Variants in SAMD5 observed in about 807,000 individuals in gnomAD.
SAMD5 encodes the protein sterile alpha motif domain-containing protein 5.
Under a neutral mutation model 11.3 loss-of-function variants are expected in SAMD5, and 13 were observed. The observed-to-expected ratio is 1.15, with a 90% CI of 0.75 to 1.83. SAMD5 has a LOEUF of 1.83. SAMD5 is among the 40% of genes most tolerant of loss of function. SAMD5 has a pLI of 0.00. For synonymous variants in SAMD5, 129 were observed against 111.3 expected (o/e 1.16, Z -1.00); for missense variants, 255 against 239.1 (o/e 1.07, Z -0.44).
At chr6:147,891,628 C>T in the SAMD5 span, among the ~76,000 whole-genome samples, 1 of 151,898 alleles carries the variant, frequency 6.6e-6, no homozygotes, top group Non-Finnish European at 1.5e-5. Flanking sequence ...TTGTTAAGGA[C>T]AGACAGGTAA....
At chr6:147,721,726 G>C (rs1287771745) in intron 1 of SAMD5, among the ~76,000 whole-genome samples, 1 of 152,044 alleles carries the variant, frequency 6.6e-6, no homozygotes, top group Non-Finnish European at 1.5e-5. Flanking sequence ...TGTCAAGTTT[G>C]GCTTTTGTTG....
rs1789012163 is a variant in SAMD5 at position 147,564,876 on chromosome 6, T to C, written c.*420T>C. The C allele has an allele frequency of 1.1e-6, 1 of 908,390 alleles. No individual in the cohort carries two copies. The highest frequency in any genetic ancestry group is 1.3e-6 in the Non-Finnish European group (1 of 759,556). The allele number at this position is 908,390 out of a possible 1,614,324, so 56.3% of individuals were successfully genotyped here. ...ATTATATTATTTCCAAATTTGCTTT[T>C]AACTTGAGAACAGTAGCTTTAATTT... is the stretch of plus-strand genomic sequence containing the variant. On this transcript the variant is annotated 3_prime_UTR_variant, in exon 2 of 2. Coordinates refer to ENST00000367474, the MANE Select transcript of SAMD5 (RefSeq NM_001030060.3).
At chr6:147,785,135 A>G in the SAMD5 span, among the ~76,000 whole-genome samples, 1 of 152,072 alleles carries the variant, frequency 6.6e-6, no homozygotes, top group African/African-American at 2.4e-5. Flanking sequence ...TTCCACCCAA[A>G]TATCCAAAAA....
At chr6:147,753,546 C>T in the SAMD5 span, among the ~76,000 whole-genome samples, 2 of 152,120 alleles carry the variant, frequency 1.3e-5, no homozygotes, top group South Asian at 4.2e-4. Context: ...AAGTATTTAT[C>T]CTTTGAGTTA....
the SAMD5 span, chr6:147,947,406 A>G: frequency 6.6e-5 from 10 of 152,354 alleles, no homozygotes; most frequent in Admixed American, 2.6e-4. Context: ...GGATAATCTA[A>G]GAACGGCTGC....
At chr6:147,829,480 AT>A in the SAMD5 span, among the ~76,000 whole-genome samples, 4 of 152,012 alleles carry the variant, frequency 2.6e-5, no homozygotes, top group Admixed American at 6.6e-5. Context: ...TTTTCTCATG[AT>A]TTTTTTCTGA....
At chr6:147,808,572 G>T in the SAMD5 span, among the ~76,000 whole-genome samples, 1 of 152,066 alleles carries the variant, frequency 6.6e-6, no homozygotes, top group Admixed American at 6.6e-5. Context: ...AAGTAAGAGG[G>T]TATTTTATTT....
At chr6:147,802,505 C>G in the SAMD5 span, among the ~76,000 whole-genome samples, 7 of 152,178 alleles carry the variant, frequency 4.6e-5, no homozygotes, top group African/African-American at 1.7e-4. Context: ...ATAGCAGTTT[C>G]TTATAAAGTT....
At chr6:147,793,217 C>T in the SAMD5 span, among the ~76,000 whole-genome samples, 2 of 152,272 alleles carry the variant, frequency 1.3e-5, no homozygotes, top group African/African-American at 4.8e-5. Context: ...AGCTTTACTT[C>T]TATGGCGCCT....
chr6:147,599,398 G>A (rs961804), intron 1 of SAMD5, among the ~76,000 whole-genome samples: 16,599 of 152,198 alleles, frequency 0.11, 1,129 homozygotes, highest in East Asian at 0.29. Context: ...TTCTAAAACT[G>A]TAAAATGTCA....
chr6:147,722,161 A>C (rs1246873219), intron 1 of SAMD5, among the ~76,000 whole-genome samples: 1 of 152,172 alleles, frequency 6.6e-6, no homozygotes, highest in African/African-American at 2.4e-5. Context: ...TTTTTAATTA[A>C]ATGACAGCAA....
In SAMD5 at chr6:147,567,028, C is replaced by T. The variant is rs970756943; in HGVS notation, c.*2572C>T. On this transcript the variant is annotated 3_prime_UTR_variant, in exon 2 of 2. Transcript: ENST00000367474. ...AAAACTAGGGGATTATCTTGATTTA[C>T]ATTTCCTAGAGTATTAAAAGAGATT... The T allele has an allele frequency of 1.1e-6, 1 of 900,808 alleles. No homozygotes were observed. Among genetic ancestry groups the T allele is most frequent in the Non-Finnish European group, 1.3e-6 (1 of 753,152 alleles). 55.8% of individuals were successfully genotyped at this position (900,808 alleles called of 1,614,324 possible). A position where few individuals can be genotyped will look rare whatever the true frequency, so the allele number is the denominator to read the frequency against.
chr6:147,684,501 G>T (rs889505728), intron 1 of SAMD5, among the ~76,000 whole-genome samples: 16 of 152,066 alleles, frequency 1.1e-4, no homozygotes, highest in Non-Finnish European at 1.9e-4. Context: ...GTCCTAAGTT[G>T]TACATTTGTG....
At chr6:147,634,236 A>G (rs1790191884) in intron 1 of SAMD5, among the ~76,000 whole-genome samples, 1 of 152,222 alleles carries the variant, frequency 6.6e-6, no homozygotes, top group African/African-American at 2.4e-5. Flanking sequence ...CTGTACAGGA[A>G]GTATAGCTGG....
the SAMD5 span, among the ~76,000 whole-genome samples, chr6:147,801,670 A>C: frequency 7.9e-5 from 12 of 152,088 alleles, no homozygotes; most frequent in African/African-American, 2.7e-4. Flanking sequence ...CTCCACATTC[A>C]CTCTGGCTTC....
At chr6:147,785,109 C>T in the SAMD5 span, among the ~76,000 whole-genome samples, 5 of 152,298 alleles carry the variant, frequency 3.3e-5, no homozygotes, top group East Asian at 9.7e-4. Flanking sequence ...GAGGTATGAG[C>T]ATATTGACTC....
chr6:147,540,234 A>G (rs1285231286), intron 1 of SAMD5, among the ~76,000 whole-genome samples: 3 of 152,220 alleles, frequency 2.0e-5, no homozygotes, highest in Admixed American at 6.5e-5. Flanking sequence ...GAAAGGAATC[A>G]TTCCGGAAGC....
At chr6:147,799,283 G>A in the SAMD5 span, among the ~76,000 whole-genome samples, 5 of 151,888 alleles carry the variant, frequency 3.3e-5, no homozygotes, top group African/African-American at 1.2e-4. Flanking sequence ...AAATCTCTCA[G>A]CATTTGCTTG....
the SAMD5 span, among the ~76,000 whole-genome samples, chr6:147,805,599 A>G: frequency 6.6e-6 from 1 of 152,196 alleles, no homozygotes; most frequent in Non-Finnish European, 1.5e-5. Flanking sequence ...TGAATAGTGA[A>G]TTGTGTGTCC....
Sources: allele counts gnomAD v4.1 joint callset (sites outside exome capture counted in the v4.1 genomes callset), GRCh38; gene constraint gnomAD v4.1.1; transcripts MANE v1.5; gene names NCBI Gene and HGNC (gene_info 2026-07-23, HGNC 2026-07-21).